The following DCAF1 variants were observed in gnomAD, a reference collection of about 807,000 sequenced individuals.
DCAF1 encodes the protein DDB1 and CUL4 associated factor 1.
A neutral mutation model predicts 128.0 loss-of-function variants in DCAF1; 15 were observed. The observed-to-expected ratio is 0.12, with a 90% confidence interval of 0.08 to 0.18. The LOEUF is 0.18. Among genes scored for constraint, DCAF1 ranks in the 10% least tolerant of loss-of-function variants. The probability of loss-of-function intolerance (pLI) is 1.00; values close to 1 mark genes in which losing one functional copy is unlikely to be tolerated. For synonymous variants in DCAF1, 610 were observed against 603.0 expected, an observed-to-expected ratio of 1.01 and a Z score of -0.17; for missense variants, 988 against 1,649.5, an observed-to-expected ratio of 0.60 and a Z score of 6.95.
chr3:51,498,098 A>T (rs1230393166), intron 1 of DCAF1, among the ~76,000 whole-genome samples: 2 of 141,344 alleles, frequency 1.4e-5, no homozygotes, highest in African/African-American at 5.2e-5. Context: ...GCAGTGGCTT[A>T]CATCTGTAAT....
At chr3:51,468,954 A>G (rs1300453686) in intron 4 of DCAF1, among the ~76,000 whole-genome samples, 1 of 152,120 alleles carries the variant, frequency 6.6e-6, no homozygotes, top group African/African-American at 2.4e-5. Flanking sequence ...TTTCACATTC[A>G]CTTTCATACT....
intron 6 of DCAF1, among the ~76,000 whole-genome samples, chr3:51,446,963 A>AAAAAAAAATAATAATAAT (rs377427485): frequency 7.3e-6 from 1 of 136,990 alleles, no homozygotes; most frequent in East Asian, 2.1e-4. Context: ...TTTGTCTCAA[A>AAAAAAAAATAATAATAAT]AATAATAATA....
At chr3:51,453,545 T>C (rs530348263) in intron 6 of DCAF1, among the ~76,000 whole-genome samples, 2 of 152,040 alleles carry the variant, frequency 1.3e-5, no homozygotes, top group Middle Eastern at 3.4e-3. Flanking sequence ...GGCAGGAGAA[T>C]GGTTTGAGAC....
At chr3:51,397,102 A>G (rs2089251967), downstream of DCAF1, 1 of 167,036 alleles carries the variant, frequency 6.0e-6, no homozygotes, top group African/African-American at 2.4e-5. Context: ...TTACTTCACA[A>G]CCAAATTTGT....
chr3:51,431,166 C>CAAAACA (rs1374123867), intron 10 of DCAF1, among the ~76,000 whole-genome samples: 2 of 151,908 alleles, frequency 1.3e-5, no homozygotes, highest in Admixed American at 6.6e-5. Flanking sequence ...GACCCTGCCT[C>CAAAACA]AAAACAAAAA....
At chr3:51,495,981 G>A (rs1221592507) in intron 2 of DCAF1, among the ~76,000 whole-genome samples, 3 of 149,968 alleles carry the variant, frequency 2.0e-5, no homozygotes, top group East Asian at 2.0e-4. Flanking sequence ...GCAAAAGTGC[G>A]AGACCTTGTC....
At chr3:51,488,970 G>A (rs1446206162) in intron 2 of DCAF1, among the ~76,000 whole-genome samples, 4 of 152,154 alleles carry the variant, frequency 2.6e-5, no homozygotes, top group African/African-American at 7.2e-5. Context: ...GTCTCGGGTG[G>A]GGCAGGGGGA....
At chr3:51,401,957 C>A (rs912106576) in intron 24 of DCAF1, among the ~76,000 whole-genome samples, 17 of 152,170 alleles carry the variant, frequency 1.1e-4, no homozygotes, top group Admixed American at 1.1e-3. Flanking sequence ...AGAAGACACT[C>A]CCCTACCCTC....
chr3:51,473,331 G>C (rs1434015506), intron 3 of DCAF1, among the ~76,000 whole-genome samples: 7 of 148,556 alleles, frequency 4.7e-5, no homozygotes, highest in Non-Finnish European at 1.0e-4. Flanking sequence ...ATAATGACAA[G>C]CCAATACAAG....
At chr3:51,465,745 C>G (rs1224957565) in intron 5 of DCAF1, among the ~76,000 whole-genome samples, 14 of 151,978 alleles carry the variant, frequency 9.2e-5, no homozygotes, top group Non-Finnish European at 1.6e-4. Context: ...AATTCTGTCT[C>G]AAAAAATAAA....
chr3:51,486,759 G>A lies in DCAF1; in HGVS notation c.-8-2923C>T, dbSNP rs537747381. Among the ~76,000 whole-genome samples, 5 of 149,100 alleles carry A rather than the reference G, an allele frequency of 3.4e-5. No homozygotes were observed. The South Asian group carries it at 6.4e-4, about 19-fold the overall frequency. ...AGTGATTCTTCTGCCTCAGTCTCCC[G>A]AGTAGCTGGGACTACAGATACACGC... On this transcript the variant is annotated intron_variant, in intron 2 of 24. Transcript: ENST00000684031.
intron 6 of DCAF1, among the ~76,000 whole-genome samples, chr3:51,455,530 C>T (rs1453020591): frequency 6.6e-6 from 1 of 151,952 alleles, no homozygotes; most frequent in Non-Finnish European, 1.5e-5. Context: ...AGCTTAAGCC[C>T]AGGAGGTCAA....
At chr3:51,461,863 G>T (rs1363087374) in intron 6 of DCAF1, among the ~76,000 whole-genome samples, 1 of 152,030 alleles carries the variant, frequency 6.6e-6, no homozygotes, top group Non-Finnish European at 1.5e-5. Context: ...ATTGAACAAT[G>T]AGAACACATG....
chr3:51,455,508 A>G (rs1461274799), intron 6 of DCAF1, among the ~76,000 whole-genome samples: 1 of 152,148 alleles, frequency 6.6e-6, no homozygotes, highest in Non-Finnish European at 1.5e-5. Flanking sequence ...CAGGAGGCTG[A>G]GGTGGGAGAA....
intron 15 of DCAF1, 127 bp downstream of exon 15, chr3:51,419,607 A>G (rs1267667864): frequency 1.4e-6 from 2 of 1,442,164 alleles, no homozygotes; most frequent in East Asian, 2.4e-5. Context: ...GTACAATTAC[A>G]TTGTTCAAGT....
chr3:51,482,491 G>A (rs563464533), intron 3 of DCAF1, among the ~76,000 whole-genome samples: 14 of 150,012 alleles, frequency 9.3e-5, no homozygotes, highest in East Asian at 4.0e-4. Context: ...CAGGACGGGC[G>A]CAGTGGCTCA....
Position 51,403,287 on chromosome 3 carries a change from C to T in DCAF1, c.4321G>A (p.Asp1441Asn), listed in dbSNP as rs781877489. The change falls in exon 24 of 25, where the codon GAC becomes AAC. Residue 1441 changes from aspartate (D) to asparagine (N), a missense_variant. Transcript: ENST00000684031. ...TCTTCCCCTGCGTTCTCATTATTGT[C>T]GTCCTCCTCCAACTCCGCCTCCAGC... ...QLLEAELEED[D>N]NNENAGEDGD... 23 of 1,601,594 alleles carry T rather than the reference C, an allele frequency of 1.4e-5. No homozygotes were observed. The highest frequency in any genetic ancestry group is 1.8e-5 in the Non-Finnish European group (21 of 1,174,186).
chr3:51,399,341 A>C (rs1343849700), intron 24 of DCAF1, among the ~76,000 whole-genome samples: 2 of 152,224 alleles, frequency 1.3e-5, no homozygotes, highest in Non-Finnish European at 2.9e-5. Flanking sequence ...CCGACCACCA[A>C]GGCAGAGATA....
chr3:51,436,732 T>C lies in DCAF1; in HGVS notation c.1129-3468A>G, dbSNP rs144708723. Among the ~76,000 whole-genome samples, 1,178 of 152,260 alleles carry C rather than the reference T, an allele frequency of 7.7e-3. 14 individuals carry two copies. The highest frequency in any genetic ancestry group is 0.027 in the African/African-American group (1,106 of 41,546). On this transcript the variant is annotated intron_variant, in intron 9 of 24. Coordinates refer to ENST00000684031, the MANE Select transcript of DCAF1 (RefSeq NM_001387579.1). ...AGAGGACAAAAGTATTCCCATGTGTTTTAGAAGCCCAAAGTCAGTGAGACA... is the reference window on the plus strand; with the variant it reads ...AGAGGACAAAAGTATTCCCATGTGTCTTAGAAGCCCAAAGTCAGTGAGACA...
Sources: gnomAD v4.1 joint callset for allele counts (sites outside exome capture counted in the v4.1 genomes callset) on GRCh38, gnomAD v4.1.1 for gene constraint, MANE v1.5 for transcripts, NCBI Gene and HGNC (gene_info 2026-07-23, HGNC 2026-07-21) for gene names.